Variants in HMCN2 observed in about 807,000 individuals in gnomAD.
The protein encoded by HMCN2 is hemicentin 2, also known as hemicentin-2.
In HMCN2, 325 loss-of-function variants were observed where a neutral mutation model predicts 377.5. The ratio of observed to expected loss-of-function variants is 0.86; its 90% CI spans 0.79 to 0.94. The LOEUF (loss-of-function observed/expected upper bound fraction) is 0.94. HMCN2 is among the 40% of genes least tolerant of loss of function. The pLI, the probability that HMCN2 is intolerant of heterozygous loss-of-function variation, is 0.00. For synonymous variants in HMCN2, 2,007 were observed against 2,046.8 expected, an observed-to-expected ratio of 0.98 and a Z score of 0.53; for missense variants, 4,543 against 4,725.3, an observed-to-expected ratio of 0.96 and a Z score of 1.13.
At chr9:130,302,484 T>G (rs182441456) in intron 8 of HMCN2, among the ~76,000 whole-genome samples, 100 of 152,300 alleles carry the variant, frequency 6.6e-4, no homozygotes, top group African/African-American at 2.3e-3. Context: ...TTCATCAGAT[T>G]TCATACAGTT....
intron 45 of HMCN2, among the ~76,000 whole-genome samples, chr9:130,370,063 A>G (rs1193197671): frequency 2.7e-5 from 4 of 148,240 alleles, no homozygotes; most frequent in Admixed American, 6.7e-5. Context: ...ATTTCCCCCA[A>G]TTCGCCTCTC....
At chr9:130,335,952 G>C (rs1057154941) in intron 22 of HMCN2, among the ~76,000 whole-genome samples, 1 of 152,168 alleles carries the variant, frequency 6.6e-6, no homozygotes, top group African/African-American at 2.4e-5. Context: ...TCTGGGTAGG[G>C]CCTGAGAATC....
At chr9:130,432,855 A>AT in intron 97 of HMCN2, 1 of 455,942 alleles carries the variant, frequency 2.2e-6, no homozygotes. Context: ...ACACTCATCA[A>AT]GACACACGGA....
chr9:130,312,919 C>G (rs935983100), intron 15 of HMCN2, among the ~76,000 whole-genome samples: 15 of 152,078 alleles, frequency 9.9e-5, no homozygotes, highest in Non-Finnish European at 8.8e-5. Flanking sequence ...CTCGGCCTCC[C>G]AAAGTGCTGG....
chr9:130,355,876 C>A, intron 33 of HMCN2, 22 bp downstream of exon 33: 2 of 1,253,470 alleles, frequency 1.6e-6, no homozygotes, highest in South Asian at 1.3e-5. Flanking sequence ...GTGGTGGAGG[C>A]CAGGGCTGGG....
intron 85 of HMCN2, among the ~76,000 whole-genome samples, chr9:130,411,683 T>C (rs1211193947): frequency 2.0e-5 from 3 of 151,288 alleles, no homozygotes; most frequent in Non-Finnish European, 4.4e-5. Flanking sequence ...GAGGTCATTA[T>C]GCGAAGTGGA....
chr9:130,305,671 G>A lies in HMCN2; in HGVS notation c.1817-458G>A, dbSNP rs141167510. ...CTGTGGTTGCTGTTTCTGGATGCGCGGGCCTGTGAGCTCTTTTGAGTCTGA... is the reference window on the plus strand; with the variant it reads ...CTGTGGTTGCTGTTTCTGGATGCGCAGGCCTGTGAGCTCTTTTGAGTCTGA... On this transcript the variant is annotated intron_variant, in intron 11 of 97. Transcript: ENST00000683500. 3.9e-5 allele frequency among the ~76,000 whole-genome samples: 6 copies of A among 152,280 alleles called. No homozygotes were observed. The East Asian group carries it at 7.7e-4, about 20-fold the overall frequency.
chr9:130,408,682 G>T, intron 83 of HMCN2, 61 bp from the exon 84 acceptor site: 1 of 1,206,788 alleles, frequency 8.3e-7, no homozygotes, highest in East Asian at 5.7e-5. Flanking sequence ...TGGGGTTTAT[G>T]GGAGGCTGAG....
intron 89 of HMCN2, among the ~76,000 whole-genome samples, chr9:130,425,469 C>T (rs112038988): frequency 6.6e-6 from 1 of 150,996 alleles, no homozygotes; most frequent in Non-Finnish European, 1.5e-5. Context: ...ACCCCATCTC[C>T]TCCCAAGGCT....
At chr9:130,382,362 A>T in intron 55 of HMCN2, 65 bp downstream of exon 55, 1 of 742,716 alleles carries the variant, frequency 1.3e-6, no homozygotes, top group Non-Finnish European at 1.6e-6. Context: ...CCTCCCTCAG[A>T]AGGGGCCGAG....
In HMCN2 at chr9:130,303,528, A is replaced by G; in HGVS notation, c.1463A>G (p.Lys488Arg). The G allele has an allele frequency of 2.3e-6, 1 of 439,276 alleles. No individual in the cohort carries two copies. The highest frequency in any genetic ancestry group is 4.8e-6 in the Non-Finnish European group (1 of 210,312). The allele number at this position is 439,276 out of a possible 1,614,324, so 27.2% of individuals were successfully genotyped here. ...NSSWEILRAS[K>R]AEEGTYECTA... ...AGCTGGGAGATCCTGCGGGCCTCCA[A>G]GGCCGAGGAGGGCACGTACGAGTGC... Residue 488 changes from lysine to arginine, a missense_variant, in exon 10 of 98, where the codon AAG (lysine) becomes AGG (arginine). This residue lies in a region of HMCN2 where 547 missense variants were observed against 189.9 expected (regional missense o/e 2.88). Coordinates refer to ENST00000683500, the MANE Select transcript of HMCN2 (RefSeq NM_001291815.2). The surrounding 1 kb of genome is among the most constrained non-coding windows in gnomAD (Gnocchi z 5.2).
chr9:130,340,278 C>G (rs948442590), intron 23 of HMCN2, among the ~76,000 whole-genome samples: 1 of 152,226 alleles, frequency 6.6e-6, no homozygotes, highest in African/African-American at 2.4e-5. Context: ...TGCCAGCCAC[C>G]GGGCTCTATG....
chr9:130,422,803 C>T lies in HMCN2; in HGVS notation c.13381+77C>T. ...CGAGCATCCTCCAGAACATGCTGGACCTAGGAGGCGCAGAGCCTGTGCCCC... is the reference window on the plus strand; with the variant it reads ...CGAGCATCCTCCAGAACATGCTGGATCTAGGAGGCGCAGAGCCTGTGCCCC... On this transcript the variant is annotated intron_variant, in intron 87 of 97. Transcript: ENST00000683500. This position sits in a 1 kb window ranked among gnomAD's most constrained non-coding sequence, Gnocchi z 4.2. The T allele has an allele frequency of 8.6e-7, 1 of 1,160,746 alleles. No homozygotes were observed. Among genetic ancestry groups the T allele is most frequent in the Non-Finnish European group, 1.1e-6 (1 of 916,174 alleles). The allele number at this position is 1,160,746 out of a possible 1,614,324, so 71.9% of individuals were successfully genotyped here.
At chr9:130,327,716 G>A (rs1478628624) in intron 22 of HMCN2, among the ~76,000 whole-genome samples, 2 of 152,214 alleles carry the variant, frequency 1.3e-5, no homozygotes. Context: ...ACGGGGCATT[G>A]CCTGCAGGAT....
At chr9:130,309,514 CAAAAAAAAAAA>C (rs143190808) in intron 14 of HMCN2, among the ~76,000 whole-genome samples, 5 of 72,386 alleles carry the variant, frequency 6.9e-5, no homozygotes, top group African/African-American at 2.2e-4. Flanking sequence ...GACTCTGTCT[CAAAAAAAAAAA>C]AAAAAAAAAA....
chr9:130,315,936 C>T lies in HMCN2; in HGVS notation c.2351-3559C>T, dbSNP rs1036711741. Among the ~76,000 whole-genome samples, 671 of 152,314 alleles carry T rather than the reference C, an allele frequency of 4.4e-3. 19 individuals carry two copies. The highest frequency in any genetic ancestry group is 0.042 in the Admixed American group (639 of 15,298). On this transcript the variant is annotated intron_variant, in intron 15 of 97. Coordinates refer to ENST00000683500, the MANE Select transcript of HMCN2 (RefSeq NM_001291815.2). ...CCAACCTCCATCACCTCTCAGAAGC[C>T]CCATCTCCAATACCATCACACTGGG...
At chr9:130,387,345 G>T (rs1444233053) in intron 61 of HMCN2, among the ~76,000 whole-genome samples, 1 of 151,206 alleles carries the variant, frequency 6.6e-6, no homozygotes, top group African/African-American at 2.4e-5. Context: ...AGAGGTGGGT[G>T]TCTAGGCTGG....
At chr9:130,289,130 C>T (rs185373364) in intron 4 of HMCN2, among the ~76,000 whole-genome samples, 85 of 152,258 alleles carry the variant, frequency 5.6e-4, no homozygotes, top group African/African-American at 1.5e-3. Context: ...TGGGAAAGCC[C>T]CTCTGTCTTT....
chr9:130,299,015 CCCT>C lies in HMCN2; in HGVS notation c.1013-8_1013-6del, dbSNP rs1554933150. 2 of 465,732 alleles carry C rather than the reference CCCT, an allele frequency of 4.3e-6. No homozygotes were observed. The highest frequency in any genetic ancestry group is 4.7e-5 in the Admixed American group (2 of 42,310). 28.8% of individuals were successfully genotyped at this position (465,732 alleles called of 1,614,324 possible). A position where few individuals can be genotyped will look rare whatever the true frequency, so the allele number is the denominator to read the frequency against. ...ACGCCAGCACTTTGTTCTTCACCTTCCCTCTGCAGGAGTCCCCATCTCCCTGGT... is the reference window on the plus strand; with the variant it reads ...ACGCCAGCACTTTGTTCTTCACCTTCCTGCAGGAGTCCCCATCTCCCTGGT... On this transcript the variant is annotated splice_region_variant and splice_polypyrimidine_tract_variant and intron_variant, in intron 7 of 97. Coordinates refer to ENST00000683500, the MANE Select transcript of HMCN2 (RefSeq NM_001291815.2).
Sources: allele counts gnomAD v4.1 joint callset (sites outside exome capture counted in the v4.1 genomes callset), GRCh38; gene constraint gnomAD v4.1.1; regional missense constraint gnomAD v4.1.1; non-coding constraint Gnocchi (gnomAD v3.1); transcripts MANE v1.5; gene names NCBI Gene and HGNC (gene_info 2026-07-23, HGNC 2026-07-21).